The following RBM47 variants were observed in gnomAD, a reference collection of about 807,000 sequenced individuals.
RBM47 encodes RNA-binding protein 47.
RBM47 carries 21 observed loss-of-function variants against 47.1 expected under a neutral mutation model. That is an observed-to-expected ratio of 0.45 (90% CI 0.32 to 0.64). The LOEUF (loss-of-function observed/expected upper bound fraction) is 0.64. RBM47 is among the 30% of genes least tolerant of loss of function. The probability of loss-of-function intolerance (pLI) is 0.05; values close to 1 mark genes in which losing one functional copy is unlikely to be tolerated. For synonymous variants in RBM47, 375 were observed against 361.7 expected, an observed-to-expected ratio of 1.04 and a Z score of -0.42; for missense variants, 708 against 870.9, an observed-to-expected ratio of 0.81 and a Z score of 2.35.
intron 1 of RBM47, among the ~76,000 whole-genome samples, chr4:40,559,999 T>C (rs1730456568): frequency 6.6e-6 from 1 of 152,200 alleles, no homozygotes; most frequent in Non-Finnish European, 1.5e-5. Flanking sequence ...GGTCTGAGAA[T>C]CACTCACCCA....
At chr4:40,484,321 A>T (rs1469859232) in intron 2 of RBM47, among the ~76,000 whole-genome samples, 1 of 152,156 alleles carries the variant, frequency 6.6e-6, no homozygotes, top group African/African-American at 2.4e-5. Flanking sequence ...GATAAAACGA[A>T]CCTATTTGTT....
At chr4:40,481,481 T>C (rs1720402010) in intron 2 of RBM47, among the ~76,000 whole-genome samples, 1 of 121,690 alleles carries the variant, frequency 8.2e-6, no homozygotes, top group Admixed American at 8.7e-5. Context: ...ATTATTATTA[T>C]TATTATTTTT....
chr4:40,472,316 T>C (rs1411654248), intron 2 of RBM47, among the ~76,000 whole-genome samples: 2 of 152,236 alleles, frequency 1.3e-5, no homozygotes, highest in Admixed American at 1.3e-4. Flanking sequence ...GGCTCATGCC[T>C]GTAATTTCAG....
chr4:40,600,568 A>T (rs1177409828), intron 1 of RBM47, among the ~76,000 whole-genome samples: 3 of 150,774 alleles, frequency 2.0e-5, no homozygotes, highest in Non-Finnish European at 4.4e-5. Context: ...CGGGAGGCGG[A>T]GCTTGCAGTG....
chr4:40,615,101 G>A (rs1450659995), intron 1 of RBM47, among the ~76,000 whole-genome samples: 3 of 152,042 alleles, frequency 2.0e-5, no homozygotes, highest in African/African-American at 2.4e-5. Context: ...ACTCCAGTCT[G>A]AGCAACAGAG....
intron 2 of RBM47, among the ~76,000 whole-genome samples, chr4:40,498,052 T>TTTTA (rs1379050191): frequency 1.3e-5 from 1 of 75,210 alleles, no homozygotes; most frequent in Admixed American, 1.2e-4. Context: ...TAAGTGCTTG[T>TTTTA]TTTATATATA....
chr4:40,562,171 G>T (rs1027325084), intron 1 of RBM47, among the ~76,000 whole-genome samples: 1 of 152,150 alleles, frequency 6.6e-6, no homozygotes, highest in Non-Finnish European at 1.5e-5. Flanking sequence ...AGACCACCTG[G>T]TCTGCTGGAC....
chr4:40,604,764 TG>T (rs1376554937), intron 1 of RBM47, among the ~76,000 whole-genome samples: 3 of 152,210 alleles, frequency 2.0e-5, no homozygotes, highest in Non-Finnish European at 4.4e-5. Flanking sequence ...TCGCCCAGGC[TG>T]GAGTACAGTG....
intron 1 of RBM47, among the ~76,000 whole-genome samples, chr4:40,617,268 G>A (rs994644431): frequency 1.3e-5 from 2 of 151,954 alleles, no homozygotes; most frequent in Non-Finnish European, 2.9e-5. Context: ...AAATATATAT[G>A]GCATTTAAGG....
chr4:40,548,435 G>C (rs532914503), intron 1 of RBM47, among the ~76,000 whole-genome samples: 1 of 152,204 alleles, frequency 6.6e-6, no homozygotes, highest in Admixed American at 6.5e-5. Context: ...AATCAGGAAG[G>C]TGACATCACC....
intron 2 of RBM47, among the ~76,000 whole-genome samples, chr4:40,476,849 G>C (rs1353807621): frequency 6.6e-6 from 1 of 152,140 alleles, no homozygotes; most frequent in East Asian, 1.9e-4. Context: ...AAAAAAATGT[G>C]GTCCCCAGTT....
intron 3 of RBM47, among the ~76,000 whole-genome samples, chr4:40,446,597 G>C (rs1189992889): frequency 6.6e-6 from 1 of 151,894 alleles, no homozygotes; most frequent in Non-Finnish European, 1.5e-5. Context: ...AATTAGCTGG[G>C]TGTTGTGGCG....
intron 2 of RBM47, among the ~76,000 whole-genome samples, chr4:40,492,764 C>T (rs961482576): frequency 5.6e-5 from 8 of 143,166 alleles, no homozygotes; most frequent in Middle Eastern, 3.5e-3. Context: ...ACTCAGCACT[C>T]CCATCATGAC....
rs1288256554 is a variant in RBM47 at position 40,423,693 on chromosome 4, TTTCTTTCTTTC to T, written c.*2200_*2210del. On this transcript the variant is annotated 3_prime_UTR_variant, in exon 7 of 7. Coordinates refer to ENST00000295971, the MANE Select transcript of RBM47 (RefSeq NM_001098634.2). ...CTTTCTTTCTTTCTTTCTTTCTTTC[TTTCTTTCTTTC>T]TTTCTTTCTTTTCTTTCTTTTCTTT... 1.0e-5 allele frequency: 1 copy of T among 98,672 alleles called. No individual in the cohort carries two copies. The highest frequency in any genetic ancestry group is 5.7e-5 in the African/African-American group (1 of 17,410). 6.1% of individuals were successfully genotyped at this position (98,672 alleles called of 1,614,324 possible).
At chr4:40,502,343 T>C (rs1469069112) in intron 2 of RBM47, among the ~76,000 whole-genome samples, 3 of 152,150 alleles carry the variant, frequency 2.0e-5, no homozygotes, top group Admixed American at 6.5e-5. Context: ...CAGAACGTCA[T>C]TTGATGAATA....
chr4:40,539,656 C>T (rs916541436), intron 2 of RBM47, among the ~76,000 whole-genome samples: 19 of 139,430 alleles, frequency 1.4e-4, no homozygotes, highest in African/African-American at 5.0e-4. Context: ...AGGAGAATCA[C>T]TTGAACCTGA....
intron 1 of RBM47, among the ~76,000 whole-genome samples, chr4:40,550,345 A>G (rs1455276543): frequency 6.6e-6 from 1 of 152,162 alleles, no homozygotes; most frequent in South Asian, 2.1e-4. Context: ...TAGTTCCTAC[A>G]TCTTGATTGG....
intron 2 of RBM47, among the ~76,000 whole-genome samples, chr4:40,489,322 A>G (rs911992826): frequency 1.2e-4 from 18 of 152,230 alleles, no homozygotes; most frequent in African/African-American, 4.3e-4. Context: ...AGGAAATAAT[A>G]ATGATTTAGG....
intron 2 of RBM47, among the ~76,000 whole-genome samples, chr4:40,497,835 T>G (rs1553890586): frequency 6.8e-6 from 1 of 146,882 alleles, no homozygotes; most frequent in Non-Finnish European, 1.5e-5. Flanking sequence ...AAAAAAAAAT[T>G]AGTCAGGTGT....
Sources: allele counts gnomAD v4.1 joint callset (sites outside exome capture counted in the v4.1 genomes callset), GRCh38; gene constraint gnomAD v4.1.1; transcripts MANE v1.5; gene names NCBI Gene and HGNC (gene_info 2026-07-23, HGNC 2026-07-21).